SLC35E1: variants seen among roughly 807,000 people sequenced by gnomAD.
SLC35E1 encodes the protein solute carrier family 35, member E1.
A neutral mutation model predicts 31.0 loss-of-function variants in SLC35E1; 12 were observed. The observed-to-expected ratio is 0.39, with a 90% confidence interval of 0.25 to 0.63. The LOEUF (loss-of-function observed/expected upper bound fraction) is 0.63, where lower values mean the gene tolerates loss of function less well. Among genes scored for constraint, SLC35E1 ranks in the 20% least tolerant of loss-of-function variants. The pLI is 0.52. For missense variants in SLC35E1, 429 were observed against 572.2 expected, an observed-to-expected ratio of 0.75 and a Z score of 2.55; for synonymous variants, 257 against 264.1, an observed-to-expected ratio of 0.97 and a Z score of 0.26.
rs1599323796 is a variant in SLC35E1, at chr19:16,571,589, A to G, written c.422-7T>C. The G allele has an allele frequency of 1.2e-6, 2 of 1,613,650 alleles. No individual in the cohort carries two copies. Among genetic ancestry groups the G allele is most frequent in the East Asian group, 2.2e-5 (1 of 44,872 alleles). On this transcript the variant is annotated splice_polypyrimidine_tract_variant and splice_region_variant and intron_variant, in intron 1 of 5. Coordinates refer to ENST00000595753, the MANE Select transcript of SLC35E1 (RefSeq NM_024881.5). ...ATGGGCATGGTGGCCTTGACTGCAAAGAGAGGGATGGGCACTCAGGGGGCT... is the reference window on the plus strand; with the variant it reads ...ATGGGCATGGTGGCCTTGACTGCAAGGAGAGGGATGGGCACTCAGGGGGCT...
chr19:16,568,715 T>C (rs2085943859), intron 2 of SLC35E1, among the ~76,000 whole-genome samples: 2 of 152,128 alleles, frequency 1.3e-5, no homozygotes, highest in South Asian at 2.1e-4. Context: ...GTACTTTTAG[T>C]AGAGACAGGA....
chr19:16,556,735 G>C (rs778374693), intron 4 of SLC35E1, among the ~76,000 whole-genome samples: 1 of 152,212 alleles, frequency 6.6e-6, no homozygotes, highest in Non-Finnish European at 1.5e-5. Context: ...GGACAGAGCT[G>C]GCTCAGCCCA....
intron 4 of SLC35E1, among the ~76,000 whole-genome samples, chr19:16,559,320 A>G (rs1314531090): frequency 6.6e-6 from 1 of 151,646 alleles, no homozygotes; most frequent in African/African-American, 2.4e-5. Flanking sequence ...CGTCTAAGGG[A>G]AAAAAAAGAA....
At position 16,553,874 on chromosome 19, in the gene SLC35E1, G is replaced by A; in HGVS notation, c.1038C>T (p.His346=). 6.2e-7 allele frequency: 1 copy of A among 1,612,652 alleles called. No individual in the cohort carries two copies. Among genetic ancestry groups the A allele is most frequent in the Non-Finnish European group, 8.5e-7 (1 of 1,179,196 alleles). ...KYDANQQARK[H]LLPVTTADLS... ...GGTCTGCTGTGGTGACGGGGAGGAG[G>A]TGCTTCCTGGCTTGCTGGTTTGCAT... Residue 346 remains histidine, a synonymous_variant, in exon 6 of 6, where the codon CAC becomes CAT. Coordinates refer to ENST00000595753, the MANE Select transcript of SLC35E1 (RefSeq NM_024881.5).
chr19:16,568,688 G>A (rs1325948215), intron 2 of SLC35E1, among the ~76,000 whole-genome samples: 1 of 152,114 alleles, frequency 6.6e-6, no homozygotes, highest in Non-Finnish European at 1.5e-5. Context: ...GTGCCACCAC[G>A]CCCGGCCAAT....
In SLC35E1 at chr19:16,566,405, T is replaced by C. The variant is rs144597311; in HGVS notation, c.756+127A>G. Reference sequence around the variant, plus strand: ...TGAGGCATTACAGAGGACTGACTGCTGAAAGCGCTGGCTGTCAGGTGCCCA... The same window carrying C: ...TGAGGCATTACAGAGGACTGACTGCCGAAAGCGCTGGCTGTCAGGTGCCCA... On this transcript the variant is annotated intron_variant, in intron 4 of 5. Coordinates refer to ENST00000595753, the MANE Select transcript of SLC35E1 (RefSeq NM_024881.5). The C allele has an allele frequency of 2.5e-4, 335 of 1,325,938 alleles. No homozygotes were observed. In the African/African-American group the frequency reaches 4.5e-3, roughly 18 times the overall value. 82.1% of individuals were successfully genotyped at this position (1,325,938 alleles called of 1,614,324 possible). A position where few individuals can be genotyped will look rare whatever the true frequency, so the allele number is the denominator to read the frequency against.
intron 4 of SLC35E1, among the ~76,000 whole-genome samples, chr19:16,558,136 CG>C (rs1283228901): frequency 2.0e-5 from 3 of 151,654 alleles, no homozygotes; most frequent in African/African-American, 7.3e-5. Flanking sequence ...CTCTGCCTCC[CG>C]GGTTCAAGTG....
intron 5 of SLC35E1, among the ~76,000 whole-genome samples, chr19:16,554,585 C>T (rs1435876382): frequency 6.6e-6 from 1 of 152,064 alleles, no homozygotes; most frequent in East Asian, 1.9e-4. Context: ...CTTTGGGAGG[C>T]CAAGGCAGGT....
At chr19:16,554,077 C>T (rs903968699) in intron 5 of SLC35E1, among the ~76,000 whole-genome samples, 168 bp from the exon 6 acceptor site, 2 of 151,800 alleles carry the variant, frequency 1.3e-5, no homozygotes, top group Non-Finnish European at 2.9e-5. Context: ...CCAGCCTGGG[C>T]AACATGGCAA....
At chr19:16,570,838 T>C (rs2085954107) in intron 2 of SLC35E1, among the ~76,000 whole-genome samples, 1 of 152,188 alleles carries the variant, frequency 6.6e-6, no homozygotes, top group African/African-American at 2.4e-5. Flanking sequence ...GGCTGACGCC[T>C]GTAATACCAG....
At chr19:16,557,533 A>G (rs975083142) in intron 4 of SLC35E1, among the ~76,000 whole-genome samples, 2 of 152,090 alleles carry the variant, frequency 1.3e-5, no homozygotes, top group African/African-American at 2.4e-5. Flanking sequence ...TCATGGAACC[A>G]CCATGACCAT....
At position 16,552,732 on chromosome 19, in the gene SLC35E1, A is replaced by G. The variant is rs1215231303; in HGVS notation, c.*947T>C. ...TGGGGACCAAGGCAAAAACACACAC[A>G]CACAACTACAAAATATTCCCTAGAA... On this transcript the variant is annotated 3_prime_UTR_variant, in exon 6 of 6. Coordinates refer to ENST00000595753, the MANE Select transcript of SLC35E1 (RefSeq NM_024881.5). The G allele has an allele frequency of 1.3e-5, 2 of 152,216 alleles. No individual in the cohort carries two copies. Among genetic ancestry groups the G allele is most frequent in the Non-Finnish European group, 2.9e-5 (2 of 68,048 alleles). 9.4% of individuals were successfully genotyped at this position (152,216 alleles called of 1,614,324 possible).
intron 5 of SLC35E1, among the ~76,000 whole-genome samples, chr19:16,554,793 C>T (rs183661980): frequency 3.7e-4 from 52 of 141,036 alleles, no homozygotes; most frequent in African/African-American, 1.3e-3. Context: ...GCAATCCAGC[C>T]TGGGTGACAG....
chr19:16,556,224 C>T (rs1568271443), intron 4 of SLC35E1, among the ~76,000 whole-genome samples: 1 of 150,430 alleles, frequency 6.6e-6, no homozygotes, highest in Non-Finnish European at 1.5e-5. Context: ...AAAAAACAAA[C>T]AAAAAAACCA....
At chr19:16,568,294 T>C in intron 2 of SLC35E1, 125 bp from the exon 3 acceptor site, 1 of 1,277,712 alleles carries the variant, frequency 7.8e-7, no homozygotes, top group Admixed American at 2.9e-5. Flanking sequence ...ACTTTGAAAG[T>C]GGTGTTTGCT....
In SLC35E1 at chr19:16,566,643, T is replaced by C. The variant is rs775333884; in HGVS notation, c.645A>G (p.Ser215=). The change falls in exon 4 of 6, where the codon TCA becomes TCG. Residue 215 remains serine (S), a synonymous_variant. Coordinates refer to ENST00000595753, the MANE Select transcript of SLC35E1 (RefSeq NM_024881.5). The part of the protein sequence containing the change: ...NIFSKKVLRD[S]RIHHLRLLNI... The stretch of plus-strand genomic sequence containing the variant: ...TGAGCAGCCGGAGATGGTGGATCCG[T>C]GAATCTCGCAAGACCTGGAAAGGGA... The C allele has an allele frequency of 6.2e-7, 1 of 1,612,040 alleles. No homozygotes were observed. Among genetic ancestry groups the C allele is most frequent in the East Asian group, 2.2e-5 (1 of 44,878 alleles).
Position 16,552,795 on chromosome 19 carries a change from A to C in SLC35E1, c.*884T>G, listed in dbSNP as rs1322087625. 2 of 152,242 alleles carry C rather than the reference A, an allele frequency of 1.3e-5. No individual in the cohort carries two copies. Among genetic ancestry groups the C allele is most frequent in the Non-Finnish European group, 2.9e-5 (2 of 68,052 alleles). 9.4% of individuals were successfully genotyped at this position (152,242 alleles called of 1,614,324 possible). A position where few individuals can be genotyped will look rare whatever the true frequency, so the allele number is the denominator to read the frequency against. On this transcript the variant is annotated 3_prime_UTR_variant, in exon 6 of 6. Transcript: ENST00000595753. Reference sequence around the variant, plus strand: ...CTCCGAAAATCAAGATCTCTCTACCAAACAACATACCAAGTCATCACAGAA... The same window carrying C: ...CTCCGAAAATCAAGATCTCTCTACCCAACAACATACCAAGTCATCACAGAA...
At chr19:16,569,094 G>A (rs1428209366) in intron 2 of SLC35E1, among the ~76,000 whole-genome samples, 5 of 151,350 alleles carry the variant, frequency 3.3e-5, no homozygotes, top group African/African-American at 4.9e-5. Flanking sequence ...GCATGATCTC[G>A]GCTCACTGCA....
At position 16,566,080 on chromosome 19, in the gene SLC35E1, G is replaced by A. The variant is rs374477437; in HGVS notation, c.756+452C>T. ...CCCAGTTACTCGGGAGGCTGTGGGA[G>A]GATCGCTTGAGCCCCGGATTGAGGT... is the stretch of plus-strand genomic sequence containing the variant. On this transcript the variant is annotated intron_variant, in intron 4 of 5. Coordinates refer to ENST00000595753, the MANE Select transcript of SLC35E1 (RefSeq NM_024881.5). 5.0e-4 allele frequency: 77 copies of A among 153,404 alleles called. 1 individual carries two copies. The highest frequency in any genetic ancestry group is 1.8e-3 in the African/African-American group (74 of 41,536). The allele number at this position is 153,404 out of a possible 1,614,324, so 9.5% of individuals were successfully genotyped here.
Sources: allele counts gnomAD v4.1 joint callset (sites outside exome capture counted in the v4.1 genomes callset), GRCh38; gene constraint gnomAD v4.1.1; transcripts MANE v1.5; gene names NCBI Gene and HGNC (gene_info 2026-07-23, HGNC 2026-07-21).